The following SLC35F1 variants were observed in gnomAD, a reference collection of about 807,000 sequenced individuals.
SLC35F1 encodes the protein solute carrier family 35 member F1, also known as chromosome 6 open reading frame 169.
Under a neutral mutation model 48.7 loss-of-function variants are expected in SLC35F1, and 14 were observed. The ratio of observed to expected loss-of-function variants is 0.29; its 90% CI spans 0.19 to 0.45. The LOEUF (loss-of-function observed/expected upper bound fraction) is 0.45. Among genes scored for constraint, SLC35F1 ranks in the 20% least tolerant of loss-of-function variants. SLC35F1 has a pLI of 1.00. For synonymous variants in SLC35F1, 190 were observed against 202.2 expected, an observed-to-expected ratio of 0.94 and a Z score of 0.51; for missense variants, 404 against 500.0, an observed-to-expected ratio of 0.81 and a Z score of 1.83.
intron 2 of SLC35F1, among the ~76,000 whole-genome samples, chr6:118,227,070 G>A (rs1010424810): frequency 3.9e-5 from 6 of 152,192 alleles, no homozygotes; most frequent in East Asian, 1.9e-4. Flanking sequence ...CTGCGGAATG[G>A]CTCCACTGCC....
At chr6:118,286,368 G>A (rs759758187) in intron 7 of SLC35F1, among the ~76,000 whole-genome samples, 4 of 152,116 alleles carry the variant, frequency 2.6e-5, no homozygotes, top group Admixed American at 6.6e-5. Flanking sequence ...AGACGTTCCT[G>A]GAGCAACAAT....
intron 1 of SLC35F1, among the ~76,000 whole-genome samples, chr6:118,029,395 T>C (rs1772007149): frequency 6.6e-6 from 1 of 152,082 alleles, no homozygotes. Context: ...AGAGAGACCA[T>C]GTTCACATAA....
Position 118,256,205 on chromosome 6 carries a change from G to GGTGTGT in SLC35F1, c.478-10746_478-10741dup, listed in dbSNP as rs71554895. Among the ~76,000 whole-genome samples the GGTGTGT allele has an allele frequency of 3.7e-3, 531 of 143,186 alleles. 4 individuals carry two copies. The highest frequency in any genetic ancestry group is 0.01 in the African/African-American group (378 of 37,390). The allele number at this position is 143,186 out of a possible 152,430, so 93.9% of individuals were successfully genotyped here. On this transcript the variant is annotated intron_variant, in intron 3 of 7. Transcript: ENST00000360388. Reference sequence around the variant, plus strand: ...GCCTGTCAGCTTAAAGAAGACTTCTGGTGTGTGTGTGTGTGTGTGTGTGTG... The same window carrying GGTGTGT: ...GCCTGTCAGCTTAAAGAAGACTTCTGGTGTGTGTGTGTGTGTGTGTGTGTGTGTGTG...
rs17079794 is a variant in SLC35F1, at chr6:118,158,736, G to T, written c.349+4116G>T. On this transcript the variant is annotated intron_variant, in intron 2 of 7. Coordinates refer to ENST00000360388, the MANE Select transcript of SLC35F1 (RefSeq NM_001029858.4). ...AGTCACGATCAAAGACTCTGAAGCAGCAGGCTCCACTGTAAGTTCCAAAAT... is the reference window on the plus strand; with the variant it reads ...AGTCACGATCAAAGACTCTGAAGCATCAGGCTCCACTGTAAGTTCCAAAAT... Among the ~76,000 whole-genome samples the T allele has an allele frequency of 9.5e-3, 1,450 of 152,284 alleles. 27 individuals are homozygous for T. The highest frequency in any genetic ancestry group is 0.033 in the African/African-American group (1,369 of 41,556).
chr6:118,147,444 G>T (rs1414990019), intron 1 of SLC35F1, among the ~76,000 whole-genome samples: 2 of 152,196 alleles, frequency 1.3e-5, no homozygotes, highest in Non-Finnish European at 2.9e-5. Flanking sequence ...GACCACTGGA[G>T]CTGGAGTAAG....
In SLC35F1 at chr6:118,003,160, A is replaced by G. The variant is rs540161359; in HGVS notation, c.173+95261A>G. Among the ~76,000 whole-genome samples the G allele has an allele frequency of 7.2e-5, 11 of 152,356 alleles. No homozygotes were observed. In the South Asian group the frequency reaches 2.3e-3, roughly 32 times the overall value. On this transcript the variant is annotated intron_variant, in intron 1 of 7. Coordinates refer to ENST00000360388, the MANE Select transcript of SLC35F1 (RefSeq NM_001029858.4). ...AGTTATAAAATATCATTGAAATCTC[A>G]GGATAAAATAGTTCAGGATATGTGG...
At chr6:118,094,268 T>C (rs1019605935) in intron 1 of SLC35F1, among the ~76,000 whole-genome samples, 5 of 152,120 alleles carry the variant, frequency 3.3e-5, no homozygotes, top group African/African-American at 9.7e-5. Flanking sequence ...TGTTCTTCCA[T>C]TGAAACATTA....
At position 118,067,139 on chromosome 6, in the gene SLC35F1, G is replaced by C. The variant is rs558211282; in HGVS notation, c.174-87306G>C. Among the ~76,000 whole-genome samples, 227 of 152,178 alleles carry C rather than the reference G, an allele frequency of 1.5e-3. 2 individuals carry two copies. Among genetic ancestry groups the C allele is most frequent in the African/African-American group, 5.3e-3 (221 of 41,528 alleles). On this transcript the variant is annotated intron_variant, in intron 1 of 7. Transcript: ENST00000360388. ...TGCACAATTATTTGTGAAAGATAAG[G>C]GTGAAAAAGAATCATGGATCACTGG...
chr6:117,973,712 C>G (rs990038268), intron 1 of SLC35F1, among the ~76,000 whole-genome samples: 4 of 152,036 alleles, frequency 2.6e-5, no homozygotes, highest in African/African-American at 7.2e-5. Context: ...TAATCTTGTA[C>G]CACCATGCCC....
At chr6:118,286,437 A>G (rs1392540378) in intron 7 of SLC35F1, among the ~76,000 whole-genome samples, 1 of 152,208 alleles carries the variant, frequency 6.6e-6, no homozygotes, top group Non-Finnish European at 1.5e-5. Context: ...GTGAATAATC[A>G]GGATTACTAC....
chr6:118,115,029 G>A (rs1773458132), intron 1 of SLC35F1, among the ~76,000 whole-genome samples: 1 of 152,158 alleles, frequency 6.6e-6, no homozygotes, highest in African/African-American at 2.4e-5. Context: ...AAGGAGGCTA[G>A]CCTTGACCTT....
intron 1 of SLC35F1, among the ~76,000 whole-genome samples, chr6:118,100,146 G>C (rs1773235642): frequency 6.6e-6 from 1 of 152,130 alleles, no homozygotes; most frequent in South Asian, 2.1e-4. Flanking sequence ...TGAGCTATAA[G>C]TGACAGGAGC....
chr6:118,150,465 A>G (rs1774039468), intron 1 of SLC35F1, among the ~76,000 whole-genome samples: 1 of 152,128 alleles, frequency 6.6e-6, no homozygotes, highest in Non-Finnish European at 1.5e-5. Context: ...CTAATCTGTC[A>G]TTTATTTGTG....
rs73527806 is a variant in SLC35F1, at chr6:118,244,841, C to T, written c.477+9205C>T. The stretch of plus-strand genomic sequence containing the variant: ...TTCATCTTTGTTTCCTTCACAGTAT[C>T]GTGTATGTGATAGATGCTAAAAATA... On this transcript the variant is annotated intron_variant, in intron 3 of 7. Transcript: ENST00000360388. Among the ~76,000 whole-genome samples the T allele has an allele frequency of 1.0e-2, 1,516 of 152,232 alleles. 28 individuals are homozygous for T. Among genetic ancestry groups the T allele is most frequent in the African/African-American group, 0.035 (1,442 of 41,544 alleles).
intron 1 of SLC35F1, among the ~76,000 whole-genome samples, chr6:117,957,550 T>C (rs1157352966): frequency 1.3e-5 from 2 of 152,188 alleles, no homozygotes; most frequent in African/African-American, 4.8e-5. Context: ...ATATGGAAGA[T>C]TTACATAGGG....
At chr6:118,131,961 TG>T (rs1209287446) in intron 1 of SLC35F1, among the ~76,000 whole-genome samples, 1 of 152,158 alleles carries the variant, frequency 6.6e-6, no homozygotes, top group African/African-American at 2.4e-5. Flanking sequence ...AGTCTTTTGC[TG>T]AGAAAATCCT....
intron 1 of SLC35F1, among the ~76,000 whole-genome samples, chr6:117,908,367 G>C (rs1326121508): frequency 6.6e-6 from 1 of 152,206 alleles, no homozygotes; most frequent in Non-Finnish European, 1.5e-5. Context: ...CGGGGGCTTC[G>C]ACCCCTTGCC....
chr6:118,173,385 T>TAAAAAAAA (rs571653145), intron 2 of SLC35F1, among the ~76,000 whole-genome samples: 27 of 129,368 alleles, frequency 2.1e-4, no homozygotes, highest in African/African-American at 8.3e-4. Flanking sequence ...AAGAGTTAGT[T>TAAAAAAAA]AAAAAAAAAA....
chr6:118,136,602 T>C (rs1381266694), intron 1 of SLC35F1, among the ~76,000 whole-genome samples: 1 of 152,166 alleles, frequency 6.6e-6, no homozygotes, highest in Admixed American at 6.5e-5. Flanking sequence ...CCTTTTTTGG[T>C]CTTAAAGTCT....
Sources: gnomAD v4.1 joint callset for allele counts (sites outside exome capture counted in the v4.1 genomes callset) on GRCh38, gnomAD v4.1.1 for gene constraint, MANE v1.5 for transcripts, NCBI Gene and HGNC (gene_info 2026-07-23, HGNC 2026-07-21) for gene names.